CNTNAP2: variants seen among roughly 807,000 people sequenced by gnomAD.
The protein encoded by CNTNAP2 is contactin associated protein 2.
In CNTNAP2, 98 loss-of-function variants were observed where a neutral mutation model predicts 155.2. The observed-to-expected ratio is 0.63, with a 90% CI of 0.54 to 0.75. The LOEUF (loss-of-function observed/expected upper bound fraction) is 0.75, where lower values mean the gene tolerates loss of function less well. Ranked by LOEUF, CNTNAP2 falls within the 30% of genes least tolerant of loss-of-function variation. The probability of loss-of-function intolerance (pLI) is 0.00; values close to 1 mark genes in which losing one functional copy is unlikely to be tolerated. For missense variants in CNTNAP2, 1,727 were observed against 1,688.1 expected (o/e 1.02, Z -0.40); for synonymous variants, 651 against 631.2 (o/e 1.03, Z -0.47).
intron 13 of CNTNAP2, among the ~76,000 whole-genome samples, chr7:147,791,300 T>C (rs1270428659): frequency 1.3e-5 from 2 of 152,166 alleles, no homozygotes; most frequent in African/African-American, 4.8e-5. Flanking sequence ...ACTACCTCCA[T>C]TGTCCTATAA....
intron 13 of CNTNAP2, chr7:147,672,264 A>C (rs1795799687): frequency 6.6e-6 from 1 of 152,202 alleles, no homozygotes; most frequent in African/African-American, 2.4e-5. Context: ...TACTCATTCA[A>C]ATATAAGTAG....
At chr7:146,331,647 G>A (rs1377930822) in intron 1 of CNTNAP2, among the ~76,000 whole-genome samples, 1 of 151,848 alleles carries the variant, frequency 6.6e-6, no homozygotes, top group African/African-American at 2.4e-5. Context: ...GTGTTCCAAG[G>A]AAACTCAAAA....
At chr7:148,399,172 T>G (rs1799533457) in intron 22 of CNTNAP2, among the ~76,000 whole-genome samples, 2 of 152,178 alleles carry the variant, frequency 1.3e-5, no homozygotes, top group South Asian at 4.1e-4. Context: ...CATACCATAA[T>G]ATGCCCGTAT....
intron 9 of CNTNAP2, among the ~76,000 whole-genome samples, chr7:147,364,286 T>C (rs918022513): frequency 3.3e-5 from 5 of 152,236 alleles, no homozygotes; most frequent in Non-Finnish European, 5.9e-5. Flanking sequence ...CAACTTTTTC[T>C]AGTTTTGTTA....
chr7:147,157,051 C>CT (rs532249585), intron 8 of CNTNAP2, among the ~76,000 whole-genome samples: 220 of 152,198 alleles, frequency 1.4e-3, no homozygotes, highest in African/African-American at 5.1e-3. Context: ...CCAGGCATGG[C>CT]TTTTTGATGC....
intron 1 of CNTNAP2, among the ~76,000 whole-genome samples, chr7:146,729,568 T>A (rs1265349888): frequency 6.6e-6 from 1 of 151,742 alleles, no homozygotes; most frequent in South Asian, 2.1e-4. Flanking sequence ...ATTTTAAATA[T>A]ATGTATATAT....
chr7:146,902,685 G>T lies in CNTNAP2; in HGVS notation c.402+62781G>T, dbSNP rs142580633. ...AGACAGTTTAAACGAGCCAGTGAAC[G>T]TTAACCTAGTCTCTTCTGGTTAACT... On this transcript the variant is annotated intron_variant, in intron 3 of 23. Transcript: ENST00000361727. Among the ~76,000 whole-genome samples the T allele has an allele frequency of 6.9e-3, 1,049 of 152,242 alleles. 9 individuals are homozygous for T. The highest frequency in any genetic ancestry group is 0.024 in the African/African-American group (981 of 41,534).
At chr7:148,104,047 A>T (rs1322133172) in intron 15 of CNTNAP2, among the ~76,000 whole-genome samples, 6 of 152,142 alleles carry the variant, frequency 3.9e-5, no homozygotes, top group African/African-American at 1.2e-4. Flanking sequence ...GTGAAGAAAG[A>T]ATTATTTTTC....
chr7:146,174,372 G>C (rs1317036965), intron 1 of CNTNAP2, among the ~76,000 whole-genome samples: 1 of 151,918 alleles, frequency 6.6e-6, no homozygotes, highest in African/African-American at 2.4e-5. Context: ...CAGGAGCAGT[G>C]GCCACACCTG....
intron 16 of CNTNAP2, among the ~76,000 whole-genome samples, chr7:148,123,971 T>C (rs1053067401): frequency 1.3e-5 from 2 of 152,000 alleles, no homozygotes; most frequent in Non-Finnish European, 2.9e-5. Context: ...CTAGGGTGAG[T>C]GGAAGTGGAT....
At chr7:147,330,391 A>G (rs1308093848) in intron 9 of CNTNAP2, among the ~76,000 whole-genome samples, 5 of 152,170 alleles carry the variant, frequency 3.3e-5, no homozygotes, top group Non-Finnish European at 7.3e-5. Flanking sequence ...CACTAGATAC[A>G]AATAAAGTAC....
At chr7:146,777,167 GT>G (rs1041961930) in intron 2 of CNTNAP2, among the ~76,000 whole-genome samples, 9 of 152,186 alleles carry the variant, frequency 5.9e-5, no homozygotes, top group African/African-American at 1.9e-4. Context: ...AAATTATCAC[GT>G]TGGGAAAGAA....
At chr7:147,877,043 A>G (rs1224418621) in intron 13 of CNTNAP2, among the ~76,000 whole-genome samples, 2 of 152,172 alleles carry the variant, frequency 1.3e-5, no homozygotes, top group African/African-American at 4.8e-5. Flanking sequence ...TGTCATTGGG[A>G]AAAAAGTGGT....
At chr7:148,329,942 C>A (rs1408675643) in intron 21 of CNTNAP2, among the ~76,000 whole-genome samples, 1 of 152,224 alleles carries the variant, frequency 6.6e-6, no homozygotes, top group Non-Finnish European at 1.5e-5. Flanking sequence ...CCCCGTCTGG[C>A]CTGTTGGGCT....
chr7:146,956,852 G>A (rs539709429), intron 3 of CNTNAP2, among the ~76,000 whole-genome samples: 1 of 152,188 alleles, frequency 6.6e-6, no homozygotes, highest in Non-Finnish European at 1.5e-5. Context: ...GAATAGCATG[G>A]GGGAATTATC....
intron 12 of CNTNAP2, among the ~76,000 whole-genome samples, chr7:147,599,047 T>G (rs1216844147): frequency 6.6e-6 from 1 of 152,186 alleles, no homozygotes; most frequent in Non-Finnish European, 1.5e-5. Flanking sequence ...AATGAACTAA[T>G]ACATTGGGCT....
Position 146,832,447 on chromosome 7 carries a change from G to A in CNTNAP2, c.209-7264G>A, listed in dbSNP as rs1442938687. Among the ~76,000 whole-genome samples the A allele has an allele frequency of 5.3e-5, 8 of 149,600 alleles. No homozygotes were observed. In the East Asian group the frequency reaches 1.4e-3, roughly 25 times the overall value. On this transcript the variant is annotated intron_variant, in intron 2 of 23. Coordinates refer to ENST00000361727, the MANE Select transcript of CNTNAP2 (RefSeq NM_014141.6). ...TGCAAATTTTAACAGGTTTACTGAT[G>A]TATAATTGATATACATTAACATATA...
At chr7:147,800,488 T>G (rs1460484029) in intron 13 of CNTNAP2, among the ~76,000 whole-genome samples, 2 of 150,514 alleles carry the variant, frequency 1.3e-5, no homozygotes, top group Admixed American at 1.3e-4. Context: ...AAAAAAAAAG[T>G]GACTAACTTC....
intron 3 of CNTNAP2, among the ~76,000 whole-genome samples, chr7:146,892,940 T>A (rs1230445021): frequency 6.6e-6 from 1 of 152,176 alleles, no homozygotes; most frequent in African/African-American, 2.4e-5. Flanking sequence ...AATCTCTATA[T>A]GCAGAGACAA....
Sources: gnomAD v4.1 joint callset for allele counts (sites outside exome capture counted in the v4.1 genomes callset) on GRCh38, gnomAD v4.1.1 for gene constraint, MANE v1.5 for transcripts, NCBI Gene and HGNC (gene_info 2026-07-23, HGNC 2026-07-21) for gene names.